Variants in OPHN1 observed in about 807,000 individuals in gnomAD.
OPHN1 encodes the protein oligophrenin 1.
Under a neutral mutation model 60.7 loss-of-function variants are expected in OPHN1, and 11 were observed. The observed-to-expected ratio is 0.18, with a 90% confidence interval of 0.11 to 0.30. The LOEUF (loss-of-function observed/expected upper bound fraction) is 0.30, where lower values mean the gene tolerates loss of function less well. OPHN1 is among the 10% of genes least tolerant of loss of function. The probability of loss-of-function intolerance (pLI) is 1.00; values close to 1 mark genes in which losing one functional copy is unlikely to be tolerated. For synonymous variants in OPHN1, 226 were observed against 222.6 expected (o/e 1.02, Z -0.14); for missense variants, 449 against 611.0 (o/e 0.73, Z 2.80).
chrX:68,245,396 A>G (rs1392259066), intron 5 of OPHN1, among the ~76,000 whole-genome samples: 2 of 112,145 alleles, frequency 1.8e-5, no homozygotes, highest in Non-Finnish European at 3.8e-5. Flanking sequence ...TTTTGTTCAT[A>G]TGATTTCCTC....
At chrX:68,365,635 TACAC>T (rs1299496724) in intron 2 of OPHN1, among the ~76,000 whole-genome samples, 1 of 110,808 alleles carries the variant, frequency 9.0e-6, no homozygotes, top group Non-Finnish European at 1.9e-5. Context: ...GATCTAATTC[TACAC>T]ACTCATAAAC....
chrX:68,133,027 G>A, intron 15 of OPHN1: 2 of 484,603 alleles, frequency 4.1e-6, no homozygotes, highest in Non-Finnish European at 7.5e-6. Context: ...AGACCCTACC[G>A]CCAACTCTGC....
At chrX:68,418,084 G>T (rs1269263266) in intron 2 of OPHN1, among the ~76,000 whole-genome samples, 1 of 112,337 alleles carries the variant, frequency 8.9e-6, no homozygotes, top group East Asian at 2.8e-4. Context: ...CTGATTAAAG[G>T]CATATGGGTA....
At chrX:68,302,240 A>T (rs1322106060) in intron 2 of OPHN1, among the ~76,000 whole-genome samples, 3 of 112,244 alleles carry the variant, frequency 2.7e-5, no homozygotes, top group Non-Finnish European at 1.9e-5. Context: ...TCTCCAATGC[A>T]TGGGTTACAT....
chrX:68,426,169 A>G (rs2078854418), intron 2 of OPHN1, among the ~76,000 whole-genome samples: 2 of 109,876 alleles, frequency 1.8e-5, no homozygotes, highest in African/African-American at 6.6e-5. Flanking sequence ...AGCTGGGCAC[A>G]GTGTCTCACG....
intron 9 of OPHN1, among the ~76,000 whole-genome samples, chrX:68,208,683 A>C (rs2077571116): frequency 8.9e-6 from 1 of 111,988 alleles, no homozygotes. Flanking sequence ...CCATATGACA[A>C]ATCAGAATAC....
At chrX:68,370,013 T>C (rs1225460095) in intron 2 of OPHN1, among the ~76,000 whole-genome samples, 5 of 69,423 alleles carry the variant, frequency 7.2e-5, no homozygotes, top group African/African-American at 6.3e-4. Context: ...ATTGCTGAAA[T>C]ATATATATAT....
At chrX:68,341,977 T>G (rs1279168342) in intron 2 of OPHN1, among the ~76,000 whole-genome samples, 2 of 101,455 alleles carry the variant, frequency 2.0e-5, no homozygotes, top group African/African-American at 7.2e-5. Flanking sequence ...TGTTTTTTTT[T>G]TTTTTTTTTT....
intron 5 of OPHN1, among the ~76,000 whole-genome samples, chrX:68,260,900 C>A (rs773930078): frequency 9.0e-6 from 1 of 111,703 alleles, no homozygotes; most frequent in East Asian, 2.8e-4. Flanking sequence ...AACACTAACA[C>A]CTTTGTCTTC....
At chrX:68,218,404 G>A (rs1281076765) in intron 6 of OPHN1, among the ~76,000 whole-genome samples, 48 of 98,539 alleles carry the variant, frequency 4.9e-4, no homozygotes, top group Non-Finnish European at 8.4e-4. Context: ...GCAGGCCAAC[G>A]TTCAGATTCA....
intron 6 of OPHN1, among the ~76,000 whole-genome samples, chrX:68,220,125 A>G (rs1425698732): frequency 9.4e-6 from 1 of 106,808 alleles, no homozygotes. Context: ...CAGAAATACA[A>G]ACTACCATCA....
intron 3 of OPHN1, among the ~76,000 whole-genome samples, chrX:68,286,958 T>G (rs777259639): frequency 1.9e-5 from 2 of 106,095 alleles, no homozygotes; most frequent in African/African-American, 3.5e-5. Flanking sequence ...GAGGCTTCAG[T>G]AAGCCAAGAT....
At chrX:68,201,552 A>G in intron 11 of OPHN1, 67 bp downstream of exon 11, 3 of 917,556 alleles carry the variant, frequency 3.3e-6, no homozygotes, top group South Asian at 3.9e-5. Flanking sequence ...GGAGGAAAAT[A>G]AAAGACCTAC....
At chrX:68,303,110 T>C (rs753826330) in intron 2 of OPHN1, among the ~76,000 whole-genome samples, 9 of 111,711 alleles carry the variant, frequency 8.1e-5, no homozygotes, top group African/African-American at 2.6e-4. Flanking sequence ...TCAATAATTT[T>C]AGAAGTTAAT....
At chrX:68,071,714 C>A (rs2076935370) in intron 20 of OPHN1, 1 of 504,325 alleles carries the variant, frequency 2.0e-6, no homozygotes, top group East Asian at 3.4e-5. Flanking sequence ...TCATAATGAC[C>A]CGCTGCCCTT....
chrX:68,317,513 G>C (rs368082557), intron 2 of OPHN1, among the ~76,000 whole-genome samples: 3 of 57,750 alleles, frequency 5.2e-5, no homozygotes, highest in African/African-American at 3.7e-4. Context: ...GAGGGAAAGA[G>C]AGAGAGAAAG....
chrX:68,186,457 T>A (rs1421461323), intron 15 of OPHN1, among the ~76,000 whole-genome samples: 2 of 106,332 alleles, frequency 1.9e-5, no homozygotes, highest in African/African-American at 6.9e-5. Flanking sequence ...GGATACAGCA[T>A]GTTTGACAAT....
chrX:68,279,200 C>T (rs1168855578), intron 4 of OPHN1, among the ~76,000 whole-genome samples: 3 of 94,202 alleles, frequency 3.2e-5, no homozygotes, highest in Non-Finnish European at 6.2e-5. Context: ...CAGCCTTGAC[C>T]TCCTCAGGTT....
chrX:68,361,464 A>G (rs1234643618), intron 2 of OPHN1, among the ~76,000 whole-genome samples: 2 of 108,543 alleles, frequency 1.8e-5, no homozygotes, highest in Non-Finnish European at 3.8e-5. Context: ...TGGGTGACAG[A>G]ACAAGACTCC....
Sources: gnomAD v4.1 joint callset for allele counts (sites outside exome capture counted in the v4.1 genomes callset) on GRCh38, gnomAD v4.1.1 for gene constraint, MANE v1.5 for transcripts, NCBI Gene and HGNC (gene_info 2026-07-23, HGNC 2026-07-21) for gene names.